DGKG: variants seen among roughly 807,000 people sequenced by gnomAD.
The protein encoded by DGKG is diacylglycerol kinase gamma.
DGKG carries 78 observed loss-of-function variants against 105.3 expected under a neutral mutation model. That is an observed-to-expected ratio of 0.74 (90% CI 0.62 to 0.89). DGKG has a LOEUF of 0.89. Among genes scored for constraint, DGKG ranks in the 40% least tolerant of loss-of-function variants. The pLI, the probability that DGKG is intolerant of heterozygous loss-of-function variation, is 0.00. For synonymous variants in DGKG, 346 were observed against 367.1 expected, an observed-to-expected ratio of 0.94 and a Z score of 0.66; for missense variants, 958 against 1,020.1, an observed-to-expected ratio of 0.94 and a Z score of 0.83.
At chr3:186,248,284 G>T (rs191149273) in intron 19 of DGKG, among the ~76,000 whole-genome samples, 2 of 152,376 alleles carry the variant, frequency 1.3e-5, no homozygotes, top group Admixed American at 6.5e-5. Flanking sequence ...TGAAGCTTCT[G>T]CAGGCAGCTG....
Position 186,215,136 on chromosome 3 carries a change from C to T in DGKG, c.1827-3251G>A, listed in dbSNP as rs190533968. Among the ~76,000 whole-genome samples, 18 of 152,154 alleles carry T rather than the reference C, an allele frequency of 1.2e-4. No homozygotes were observed. In the East Asian group the frequency reaches 2.1e-3, roughly 18 times the overall value. On this transcript the variant is annotated intron_variant, in intron 20 of 24. Transcript: ENST00000265022. ...TGCTTTATCTTAAAATCTGGTGGGG[C>T]GCGACGGCTCACGCCTGTCATCCCA...
intron 6 of DGKG, among the ~76,000 whole-genome samples, chr3:186,286,902 C>T (rs1245850920): frequency 6.6e-6 from 1 of 151,946 alleles, no homozygotes; most frequent in Admixed American, 6.6e-5. Context: ...GGCGTAGCGG[C>T]GGGCACCTGT....
chr3:186,199,973 A>C (rs1718369724), intron 21 of DGKG, among the ~76,000 whole-genome samples: 1 of 152,166 alleles, frequency 6.6e-6, no homozygotes, highest in South Asian at 2.1e-4. Context: ...CAACTTACAG[A>C]GTGCATGCTC....
Position 186,334,783 on chromosome 3 carries a change from T to G in DGKG, c.-248-14076A>C, listed in dbSNP as rs1725751984. ...TTGTCCTAGGTCACAGAGCTATTAA[T>G]TAATGAATCCAGGATTCCAATCCTG... On this transcript the variant is annotated intron_variant, in intron 1 of 24. Coordinates refer to ENST00000265022, the MANE Select transcript of DGKG (RefSeq NM_001346.3). 6.6e-5 allele frequency among the ~76,000 whole-genome samples: 10 copies of G among 152,262 alleles called. No individual in the cohort carries two copies. The South Asian group carries it at 2.1e-3, about 32-fold the overall frequency.
rs887542184 is a variant in DGKG, at chr3:186,361,061, C to G, written c.-249+885G>C. On this transcript the variant is annotated intron_variant, in intron 1 of 24. Transcript: ENST00000265022. This position sits in a 1 kb window ranked among gnomAD's most constrained non-coding sequence, Gnocchi z 6.8. ...CAGACGCTCCCGCCGCGGGGGGCGA[C>G]TGGGGGAGGGGTCTCGACCGCCACC... 6.6e-6 allele frequency among the ~76,000 whole-genome samples: 1 copy of G among 152,210 alleles called. No homozygotes were observed. The highest frequency in any genetic ancestry group is 2.1e-4 in the South Asian group (1 of 4,834).
rs143796787 is a variant in DGKG, at chr3:186,198,569, C to A, written c.1918-10190G>T. ...TGTGCTGTCAGTGCTTAACAGCAGA[C>A]TCCCTTGGAGGAAAAAAAGCCTTTG... On this transcript the variant is annotated intron_variant, in intron 21 of 24. Transcript: ENST00000265022. Among the ~76,000 whole-genome samples, 41 of 152,300 alleles carry A rather than the reference C, an allele frequency of 2.7e-4. No individual in the cohort carries two copies. The East Asian group carries it at 7.9e-3, about 29-fold the overall frequency.
intron 21 of DGKG, among the ~76,000 whole-genome samples, chr3:186,205,827 C>A (rs1399100466): frequency 6.6e-6 from 1 of 151,900 alleles, no homozygotes; most frequent in Non-Finnish European, 1.5e-5. Context: ...ATTTGATATA[C>A]TATTCTCAAG....
At chr3:186,314,483 G>A (rs974733217) in intron 2 of DGKG, among the ~76,000 whole-genome samples, 5 of 152,130 alleles carry the variant, frequency 3.3e-5, no homozygotes, top group South Asian at 2.1e-4. Context: ...GGCTGAGTGC[G>A]GTGGCTCACG....
At chr3:186,298,570 C>CAA (rs753120344) in intron 3 of DGKG, among the ~76,000 whole-genome samples, 7 of 152,104 alleles carry the variant, frequency 4.6e-5, no homozygotes, top group Non-Finnish European at 1.0e-4. Context: ...GAGTGGAGGC[C>CAA]AAAGTGCAGG....
At chr3:186,292,211 G>A (rs145779321) in intron 5 of DGKG, among the ~76,000 whole-genome samples, 25 of 152,226 alleles carry the variant, frequency 1.6e-4, no homozygotes, top group African/African-American at 5.3e-4. Context: ...TTCTCCCTTG[G>A]TATCTGTGTT....
intron 6 of DGKG, among the ~76,000 whole-genome samples, chr3:186,285,867 C>T (rs1179653755): frequency 3.3e-5 from 5 of 152,000 alleles, no homozygotes; most frequent in Non-Finnish European, 1.5e-5. Context: ...TTAGTAGAGA[C>T]GGGGTTTCTC....
chr3:186,149,609 G>A lies in DGKG; in HGVS notation c.*481C>T, dbSNP rs3732938. The A allele has an allele frequency of 2.9e-5, 29 of 986,010 alleles. No homozygotes were observed. Among genetic ancestry groups the A allele is most frequent in the East Asian group, 1.1e-4 (1 of 8,832 alleles). 61.1% of individuals were successfully genotyped at this position (986,010 alleles called of 1,614,324 possible). ...GATTATGCTCTGAGAGCCGGAGGCC[G>A]TTTTGTCTCTGTACAGAGGGAACTT... On this transcript the variant is annotated 3_prime_UTR_variant, in exon 25 of 25. Transcript: ENST00000265022.
chr3:186,307,072 G>T, intron 2 of DGKG, 95 bp from the exon 3 acceptor site: 1 of 838,662 alleles, frequency 1.2e-6, no homozygotes, highest in Non-Finnish European at 2.0e-6. Context: ...TTATGTTGGA[G>T]CTGCCCCTCA....
Position 186,281,913 on chromosome 3 carries a change from C to G in DGKG, c.595-1169G>C, listed in dbSNP as rs371949521. Among the ~76,000 whole-genome samples, 4 of 152,298 alleles carry G rather than the reference C, an allele frequency of 2.6e-5. No individual in the cohort carries two copies. In the East Asian group the frequency reaches 7.7e-4, roughly 29 times the overall value. On this transcript the variant is annotated intron_variant, in intron 7 of 24. Transcript: ENST00000265022. ...GGCCACATTTGGATACTTAAAGAAT[C>G]ATAGGGGACGGATTCTGTTCTGTGC...
intron 17 of DGKG, 107 bp from the exon 18 acceptor site, chr3:186,253,289 T>G: frequency 1.2e-6 from 1 of 837,438 alleles, no homozygotes; most frequent in Non-Finnish European, 2.0e-6. Context: ...ATAGCATTCT[T>G]TGTTTGAATA....
At chr3:186,156,587 G>T (rs1320620734) in intron 24 of DGKG, among the ~76,000 whole-genome samples, 1 of 151,768 alleles carries the variant, frequency 6.6e-6, no homozygotes, top group African/African-American at 2.4e-5. Context: ...TGCATTGTTT[G>T]TAGAGTTAAA....
chr3:186,355,273 C>CA (rs1726875444), intron 1 of DGKG, among the ~76,000 whole-genome samples: 2 of 27,412 alleles, frequency 7.3e-5, no homozygotes, highest in African/African-American at 2.4e-4. Flanking sequence ...ACCACTACCA[C>CA]CAGCACGATC....
rs1332294820 is a variant in DGKG, at chr3:186,251,743, T to A, written c.1761+16A>T. ...GTTTCCCTTCCATACAGAAAGGTGA[T>A]CTTTGACCAACTCACCACACCAATG... On this transcript the variant is annotated intron_variant, in intron 19 of 24. Transcript: ENST00000265022. The A allele has an allele frequency of 6.2e-7, 1 of 1,613,984 alleles. No individual in the cohort carries two copies. Among genetic ancestry groups the A allele is most frequent in the African/African-American group, 1.3e-5 (1 of 75,044 alleles).
intron 6 of DGKG, among the ~76,000 whole-genome samples, chr3:186,286,990 C>T (rs1215921809): frequency 7.3e-5 from 11 of 151,698 alleles, no homozygotes; most frequent in East Asian, 5.8e-4. Context: ...GCAGAGATCA[C>T]GCCACTGCAC....
Sources: gnomAD v4.1 joint callset for allele counts (sites outside exome capture counted in the v4.1 genomes callset) on GRCh38, gnomAD v4.1.1 for gene constraint, Gnocchi (gnomAD v3.1) non-coding constraint, MANE v1.5 for transcripts, NCBI Gene and HGNC (gene_info 2026-07-23, HGNC 2026-07-21) for gene names.